Variants in TESPA1 observed in about 807,000 individuals in gnomAD.
The protein encoded by TESPA1 is thymocyte expressed, positive selection associated 1, also known as protein TESPA1.
In TESPA1, 33 loss-of-function variants were observed where a neutral mutation model predicts 57.9. The observed-to-expected ratio is 0.57, with a 90% confidence interval of 0.43 to 0.76. The LOEUF is 0.76. Among genes scored for constraint, TESPA1 ranks in the 30% least tolerant of loss-of-function variants. The pLI, the probability that TESPA1 is intolerant of heterozygous loss-of-function variation, is 0.00. For synonymous variants in TESPA1, 227 were observed against 228.9 expected (o/e 0.99, Z 0.07); for missense variants, 618 against 632.9 (o/e 0.98, Z 0.25).
chr12:54,951,386 C>T (rs994138830), intron 10 of TESPA1, among the ~76,000 whole-genome samples: 1 of 151,624 alleles, frequency 6.6e-6, no homozygotes, highest in Non-Finnish European at 1.5e-5. Flanking sequence ...GCCAATTAAA[C>T]CTCTTTTCTT....
In TESPA1 at chr12:54,962,790, G is replaced by C. The variant is rs1308322723; in HGVS notation, c.1108C>G (p.Gln370Glu). Residue 370 changes from glutamine (Q) to glutamate (E), a missense_variant, in exon 9 of 11, where the codon CAG (glutamine) becomes GAG (glutamate). By Grantham distance (29) the Gln-to-Glu change is conservative (BLOSUM62 2). This residue lies in a region of TESPA1 where 409 missense variants were observed against 420.1 expected (regional missense o/e 0.97). Transcript: ENST00000449076. ...GGTGCTAGCACTGTGGACATCCTCTGCTGTGTTTCCTCTTCACAGCAGAAG... is the reference window on the plus strand; with the variant it reads ...GGTGCTAGCACTGTGGACATCCTCTCCTGTGTTTCCTCTTCACAGCAGAAG... The part of the protein sequence containing the change: ...CVFCCEEETQ[Q>E]RMSTVLAPSQ... The C allele has an allele frequency of 4.3e-6, 7 of 1,613,818 alleles. No homozygotes were observed. Among genetic ancestry groups the C allele is most frequent in the Middle Eastern group, 1.6e-4 (1 of 6,084 alleles).
Position 54,962,574 on chromosome 12 carries a change from GGCTCTTTCTTGCTCT to G in TESPA1, c.1309_1323del (p.Arg437_Ser441del). 5 of 1,613,952 alleles carry G rather than the reference GGCTCTTTCTTGCTCT, an allele frequency of 3.1e-6. 1 individual carries two copies. The South Asian group carries it at 5.5e-5, about 18-fold the overall frequency. ...CTGCCCATGAGATTCTTCTGGAAGA[GGCTCTTTCTTGCTCT>G]GCTCTTTCTTTTCCAGAAAGTCTCA... On this transcript the variant is annotated inframe_deletion, in exon 9 of 11. Transcript: ENST00000449076.
rs1341294575 is a variant in TESPA1 at position 54,950,245 on chromosome 12, T to C, written c.*147A>G. 2.2e-6 allele frequency: 1 copy of C among 456,416 alleles called. No individual in the cohort carries two copies. The highest frequency in any genetic ancestry group is 4.4e-6 in the Non-Finnish European group (1 of 226,950). 28.3% of individuals were successfully genotyped at this position (456,416 alleles called of 1,614,324 possible). On this transcript the variant is annotated 3_prime_UTR_variant, in exon 11 of 11. Transcript: ENST00000449076. ...TCCTCCCCATGTACCATGCTGCCTT[T>C]CTCCTGCAGAGTTTGGGGGTTTGGA...
intron 1 of TESPA1, among the ~76,000 whole-genome samples, chr12:54,977,422 AAG>A (rs1484181312): frequency 1.3e-5 from 2 of 152,212 alleles, no homozygotes; most frequent in African/African-American, 4.8e-5. Flanking sequence ...AGTTGGAGAA[AAG>A]AGAGATGGTT....
intron 10 of TESPA1, among the ~76,000 whole-genome samples, chr12:54,957,056 A>T (rs1011533717): frequency 6.6e-6 from 1 of 152,152 alleles, no homozygotes; most frequent in Non-Finnish European, 1.5e-5. Context: ...GACTCATTCA[A>T]ACCACAGCAG....
intron 6 of TESPA1, 69 bp downstream of exon 6, chr12:54,966,319 C>G (rs2136128630): frequency 1.2e-6 from 2 of 1,609,398 alleles, no homozygotes; most frequent in Non-Finnish European, 1.7e-6. Context: ...ATTTTAATCT[C>G]TTTGACCTAC....
At chr12:54,952,116 A>G (rs904506909) in intron 10 of TESPA1, among the ~76,000 whole-genome samples, 5 of 152,174 alleles carry the variant, frequency 3.3e-5, no homozygotes, top group African/African-American at 1.2e-4. Context: ...AGGCCCCATG[A>G]TGGGAATCTT....
intron 2 of TESPA1, chr12:54,974,055 C>T (rs570221041): frequency 1.1e-4 from 41 of 366,418 alleles, no homozygotes; most frequent in African/African-American, 8.2e-4. Flanking sequence ...GCATTGTGGC[C>T]AGAGTCCAGG....
At position 54,958,318 on chromosome 12, in the gene TESPA1, A is replaced by G. The variant is rs143869082; in HGVS notation, c.*1+2850T>C. Among the ~76,000 whole-genome samples the G allele has an allele frequency of 3.8e-3, 583 of 152,288 alleles. 5 individuals are homozygous for G. Among genetic ancestry groups the G allele is most frequent in the African/African-American group, 0.014 (562 of 41,562 alleles). ...AGAGTAAATTCAATTCTTGGCAAGA[A>G]CCTACTTGTGGAGTATATACTACAC... On this transcript the variant is annotated intron_variant, in intron 10 of 10. Coordinates refer to ENST00000449076, the MANE Select transcript of TESPA1 (RefSeq NM_001136030.3).
intron 1 of TESPA1, among the ~76,000 whole-genome samples, chr12:54,980,482 G>A (rs1952274587): frequency 1.3e-5 from 2 of 152,194 alleles, no homozygotes; most frequent in East Asian, 3.9e-4. Context: ...ATAACGGTTT[G>A]GGGCACCACA....
At chr12:54,950,917 A>G (rs1052899709) in intron 10 of TESPA1, among the ~76,000 whole-genome samples, 1 of 151,960 alleles carries the variant, frequency 6.6e-6, no homozygotes, top group African/African-American at 2.4e-5. Context: ...GATGACCAAT[A>G]TAACCATATT....
At chr12:54,980,932 T>C (rs1398824895) in intron 1 of TESPA1, among the ~76,000 whole-genome samples, 1 of 152,222 alleles carries the variant, frequency 6.6e-6, no homozygotes, top group Admixed American at 6.5e-5. Context: ...TTGGTAACAC[T>C]ATCTTTTCTT....
chr12:54,951,470 C>G (rs984650642), intron 10 of TESPA1, among the ~76,000 whole-genome samples: 4 of 152,200 alleles, frequency 2.6e-5, no homozygotes, highest in Admixed American at 6.5e-5. Flanking sequence ...TAAACCATAG[C>G]CTTTCCCATT....
At position 54,962,766 on chromosome 12, in the gene TESPA1, G is replaced by C; in HGVS notation, c.1132C>G (p.Pro378Ala). 2.5e-6 allele frequency: 4 copies of C among 1,613,896 alleles called. No homozygotes were observed. Among genetic ancestry groups the C allele is most frequent in the Non-Finnish European group, 3.4e-6 (4 of 1,179,888 alleles). The change falls in exon 9 of 11, where the codon CCA becomes GCA. Residue 378 changes from proline (P) to alanine (A), a missense_variant. Pro to Ala is a conservative substitution (Grantham distance 27, BLOSUM62 -1). Around this residue, in one of 3 missense-constraint regions of TESPA1, gnomAD observed 409 missense variants for 420.1 expected, o/e 0.97. Transcript: ENST00000449076. ...TQQRMSTVLA[P>A]SQTLDSNPKV... is the part of the protein sequence containing the mutation. ...GGGTTCGAATCCAGAGTTTGGGATGGTGCTAGCACTGTGGACATCCTCTGC... is the reference window on the plus strand; with the variant it reads ...GGGTTCGAATCCAGAGTTTGGGATGCTGCTAGCACTGTGGACATCCTCTGC...
chr12:54,952,640 C>G (rs559527404), intron 10 of TESPA1, among the ~76,000 whole-genome samples: 1 of 152,124 alleles, frequency 6.6e-6, no homozygotes, highest in Non-Finnish European at 1.5e-5. Flanking sequence ...TCTAATATGG[C>G]AATCTGTTAA....
intron 1 of TESPA1, among the ~76,000 whole-genome samples, chr12:54,983,067 T>C (rs1565879740): frequency 6.6e-6 from 1 of 152,196 alleles, no homozygotes; most frequent in Non-Finnish European, 1.5e-5. Context: ...CTTTTCCCCT[T>C]ACTGTAGCCC....
intron 10 of TESPA1, among the ~76,000 whole-genome samples, chr12:54,953,594 T>C (rs563715318): frequency 6.0e-5 from 9 of 149,228 alleles, no homozygotes; most frequent in Admixed American, 5.4e-4. Context: ...CACAGCTCAC[T>C]GCAAGCTCCG....
intron 1 of TESPA1, among the ~76,000 whole-genome samples, chr12:54,981,119 C>T (rs1952299736): frequency 6.6e-6 from 1 of 151,846 alleles, no homozygotes; most frequent in African/African-American, 2.4e-5. Flanking sequence ...AGATACTGTG[C>T]CAAACTAGTT....
chr12:54,981,587 GTCTT>G (rs1282924070), intron 1 of TESPA1, among the ~76,000 whole-genome samples: 2 of 150,818 alleles, frequency 1.3e-5, no homozygotes, highest in African/African-American at 2.4e-5. Context: ...AAAAAAAAAA[GTCTT>G]TCTTTCTTAC....
Sources: allele counts gnomAD v4.1 joint callset (sites outside exome capture counted in the v4.1 genomes callset), GRCh38; gene constraint gnomAD v4.1.1; regional missense constraint gnomAD v4.1.1; transcripts MANE v1.5; gene names NCBI Gene and HGNC (gene_info 2026-07-23, HGNC 2026-07-21).